The following TMEM145 variants were observed in gnomAD, a reference collection of about 807,000 sequenced individuals.
The protein encoded by TMEM145 is transmembrane protein 145.
Under a neutral mutation model 68.5 loss-of-function variants are expected in TMEM145, and 46 were observed. That is an observed-to-expected ratio of 0.67 (90% CI 0.53 to 0.86). The LOEUF is 0.86. TMEM145 is among the 40% of genes least tolerant of loss of function. The pLI is 0.00. For missense variants in TMEM145, 570 were observed against 645.8 expected, an observed-to-expected ratio of 0.88 and a Z score of 1.27; for synonymous variants, 255 against 280.2, an observed-to-expected ratio of 0.91 and a Z score of 0.90.
At chr19:42,315,719 G>T (rs1251538830) in intron 8 of TMEM145, among the ~76,000 whole-genome samples, 6 of 151,990 alleles carry the variant, frequency 3.9e-5, no homozygotes, top group Admixed American at 3.3e-4. Flanking sequence ...GACACCCCTG[G>T]GTCCTTGAGG....
rs781522825 is a variant in TMEM145, at chr19:42,316,911, A to C, written c.848A>C (p.Tyr283Ser). ...GCGGGCTCCGTGAAGTTGTCTGTCTACATGACCCTGTACACGCTCACCCAT... is the reference window on the plus strand; with the variant it reads ...GCGGGCTCCGTGAAGTTGTCTGTCTCCATGACCCTGTACACGCTCACCCAT... ...SHAGSVKLSVYMTLYTLTHVV... is the reference protein window; with the variant it reads ...SHAGSVKLSVSMTLYTLTHVV... The change falls in exon 11 of 15, where the codon TAC (tyrosine) becomes TCC (serine). Residue 283 changes from tyrosine to serine, a missense_variant. By Grantham distance (144) the Tyr-to-Ser change is moderately radical. Transcript: ENST00000301204. The C allele has an allele frequency of 6.2e-7, 1 of 1,613,808 alleles. No individual in the cohort carries two copies. The highest frequency in any genetic ancestry group is 1.7e-5 in the Admixed American group (1 of 60,022).
chr19:42,321,143 A>G (rs2038907263), intron 13 of TMEM145: 2 of 398,172 alleles, frequency 5.0e-6, no homozygotes, highest in Non-Finnish European at 8.8e-6. Context: ...ATCACAGGCC[A>G]CTGTTCAGGA....
intron 13 of TMEM145, chr19:42,320,948 T>G (rs2038905643): frequency 2.5e-6 from 1 of 398,384 alleles, no homozygotes; most frequent in Non-Finnish European, 4.4e-6. Flanking sequence ...TTTCTTCTGT[T>G]CCCCTCTCCA....
chr19:42,318,112 A>G (rs531972332), intron 12 of TMEM145, among the ~76,000 whole-genome samples: 1 of 152,302 alleles, frequency 6.6e-6, no homozygotes, highest in East Asian at 1.9e-4. Flanking sequence ...TCACGCCTGT[A>G]ATCCCAGCCC....
rs776043996 is a variant in TMEM145, at chr19:42,317,760, G to T, written c.952G>T (p.Gly318Trp). The stretch of plus-strand genomic sequence containing the variant: ...CACGTATGAGTCGCCGGCCGGCTAC[G>T]GGCTCATTGGACTGCAGGTGGCGGC... ...LYTYESPAGYGLIGLQVAAYV... is the reference protein window; with the variant it reads ...LYTYESPAGYWLIGLQVAAYV... The change falls in exon 12 of 15, where the codon GGG becomes TGG. Residue 318 changes from glycine (G) to tryptophan (W), a missense_variant. By Grantham distance (184) the Gly-to-Trp change is radical. Coordinates refer to ENST00000301204, the MANE Select transcript of TMEM145 (RefSeq NM_173633.3). 2.5e-6 allele frequency: 4 copies of T among 1,614,172 alleles called. No individual in the cohort carries two copies. The highest frequency in any genetic ancestry group is 3.4e-6 in the Non-Finnish European group (4 of 1,180,026).
Position 42,314,342 on chromosome 19 carries a change from C to G in TMEM145, c.191C>G (p.Pro64Arg). The change falls in exon 2 of 15, where the codon CCT becomes CGT. Residue 64 changes from proline (P) to arginine (R), a missense_variant. Pro to Arg is a moderately radical substitution (Grantham distance 103). Transcript: ENST00000301204. ...CGACTGGACTTCCGTTTCCGCTACC[C>G]TGAGGTGAGTCTCCCCCAACACTCG... is the stretch of plus-strand genomic sequence containing the variant. The part of the protein sequence containing the change: ...YGRLDFRFRY[P>R]EAKCCQNILL... 6.2e-7 allele frequency: 1 copy of G among 1,614,108 alleles called. No individual in the cohort carries two copies.
At chr19:42,320,216 C>A in intron 12 of TMEM145, 101 bp from the exon 13 acceptor site, 1 of 1,519,872 alleles carries the variant, frequency 6.6e-7, no homozygotes, top group Non-Finnish European at 9.0e-7. Flanking sequence ...AGTTTGGGAC[C>A]TGCCTGGGGT....
At chr19:42,318,384 A>T (rs569958261) in intron 12 of TMEM145, among the ~76,000 whole-genome samples, 3 of 141,840 alleles carry the variant, frequency 2.1e-5, no homozygotes, top group Non-Finnish European at 4.6e-5. Flanking sequence ...AAAAAAAAAA[A>T]ACCAAACAGG....
rs368868723 is a variant in TMEM145 at position 42,317,703 on chromosome 19, G to A, written c.901-6G>A. The A allele has an allele frequency of 1.9e-6, 3 of 1,613,942 alleles. No individual in the cohort carries two copies. Among genetic ancestry groups the A allele is most frequent in the Non-Finnish European group, 2.5e-6 (3 of 1,179,964 alleles). On this transcript the variant is annotated splice_polypyrimidine_tract_variant and splice_region_variant and intron_variant, in intron 11 of 14. Coordinates refer to ENST00000301204, the MANE Select transcript of TMEM145 (RefSeq NM_173633.3). ...GGCTGTGATGGACCCTCTCCTGCGG[G>A]TCTAGTTCTTTGACCCAGGCCAGGT... is the stretch of plus-strand genomic sequence containing the variant.
In TMEM145 at chr19:42,315,010, G is replaced by A. The variant is rs1285723638; in HGVS notation, c.438G>A (p.Leu146=). The change falls in exon 6 of 15, where the codon CTG becomes CTA. Residue 146 remains leucine (L), a synonymous_variant. Coordinates refer to ENST00000301204, the MANE Select transcript of TMEM145 (RefSeq NM_173633.3). ...RSFRSGDGLQ[L]EYEMVLTNGK... is the part of the protein sequence containing the mutation. ...CCCCACAGGGTGATGGATTGCAGCT[G>A]GAGTATGAGATGGTCCTCACCAATG... 1 of 1,614,018 alleles carries A rather than the reference G, an allele frequency of 6.2e-7. No homozygotes were observed. The highest frequency in any genetic ancestry group is 1.3e-5 in the African/African-American group (1 of 74,906).
chr19:42,315,291 G>C (rs1175492353), intron 7 of TMEM145, 32 bp downstream of exon 7: 1 of 1,613,720 alleles, frequency 6.2e-7, no homozygotes, highest in South Asian at 1.1e-5. Flanking sequence ...TGGGGGAAGA[G>C]ATAGGAGGGA....
intron 8 of TMEM145, among the ~76,000 whole-genome samples, chr19:42,315,680 G>T (rs1365934238): frequency 6.6e-6 from 1 of 151,482 alleles, no homozygotes; most frequent in Non-Finnish European, 1.5e-5. Context: ...CTGGACCCCT[G>T]GTTCCTGGGG....
intron 12 of TMEM145, 28 bp from the exon 13 acceptor site, chr19:42,320,289 C>T: frequency 1.2e-6 from 2 of 1,612,916 alleles, no homozygotes; most frequent in Non-Finnish European, 1.7e-6. Flanking sequence ...GGAGCAGTGT[C>T]TCTACTGACC....
chr19:42,324,208 GA>G (rs2038944727), intron 14 of TMEM145: 1 of 972,564 alleles, frequency 1.0e-6, no homozygotes, highest in African/African-American at 1.7e-5. Context: ...GGGGGAGGGG[GA>G]CGGGCCTTCG....
chr19:42,323,646 G>A lies in TMEM145; in HGVS notation c.1258G>A (p.Ala420Thr), dbSNP rs746197610. The change falls in exon 14 of 15, where the codon GCT becomes ACT. Residue 420 changes from alanine to threonine, a missense_variant. Physicochemically the swap from Ala to Thr is moderately conservative, Grantham distance 58 (BLOSUM62 0). Coordinates refer to ENST00000301204, the MANE Select transcript of TMEM145 (RefSeq NM_173633.3). ...FPYHVRTSQIASAGVPGPGGS... is the reference protein window; with the variant it reads ...FPYHVRTSQITSAGVPGPGGS... The stretch of plus-strand genomic sequence containing the variant: ...GTACCACGTGCGCACGTCGCAGATC[G>A]CTTCAGCCGGAGTCCCTGGACCCGG... 2.5e-6 allele frequency: 4 copies of A among 1,614,036 alleles called. No individual in the cohort carries two copies. The East Asian group carries it at 8.9e-5, about 36-fold the overall frequency.
chr19:42,321,045 A>G (rs2038906415), intron 13 of TMEM145: 1 of 397,688 alleles, frequency 2.5e-6, no homozygotes. Flanking sequence ...GTGTCCCCAG[A>G]TTCTTCCATT....
rs1298825394 is a variant in TMEM145, at chr19:42,316,740, G to A, written c.806G>A (p.Arg269Gln). 4.3e-6 allele frequency: 7 copies of A among 1,613,320 alleles called. No individual in the cohort carries two copies. The highest frequency in any genetic ancestry group is 4.0e-5 in the African/African-American group (3 of 74,884). The change falls in exon 10 of 15, where the codon CGG becomes CAG. Residue 269 changes from arginine (R) to glutamine (Q), a missense_variant and splice_region_variant. Coordinates refer to ENST00000301204, the MANE Select transcript of TMEM145 (RefSeq NM_173633.3). ...ILLGKGFTVT[R>Q]GRISHAGSVK... ...CTGGGGAAGGGATTCACGGTGACAC[G>A]GTGCCCGGGCAGGGCGTGCTCGTGG... is the stretch of plus-strand genomic sequence containing the variant.
chr19:42,321,224 C>T (rs1255325201), intron 13 of TMEM145: 2 of 396,480 alleles, frequency 5.0e-6, no homozygotes, highest in Non-Finnish European at 8.9e-6. Context: ...TACAGCACCA[C>T]ATCTTTTTTT....
chr19:42,322,574 G>A (rs888589947), intron 13 of TMEM145, among the ~76,000 whole-genome samples: 1 of 152,092 alleles, frequency 6.6e-6, no homozygotes, highest in Admixed American at 6.5e-5. Context: ...CACAACCTTA[G>A]AAGAGCTGTG....
Sources: allele counts gnomAD v4.1 joint callset (sites outside exome capture counted in the v4.1 genomes callset), GRCh38; gene constraint gnomAD v4.1.1; transcripts MANE v1.5; gene names NCBI Gene and HGNC (gene_info 2026-07-23, HGNC 2026-07-21).